The following CRAMP1 variants were observed in gnomAD, a reference collection of about 807,000 sequenced individuals.
CRAMP1 encodes protein cramped-like.
CRAMP1 carries 50 observed loss-of-function variants against 115.4 expected under a neutral mutation model. That is an observed-to-expected ratio of 0.43 (90% confidence interval 0.35 to 0.55). CRAMP1 has a LOEUF of 0.55. Among genes scored for constraint, CRAMP1 ranks in the 20% least tolerant of loss-of-function variants. The pLI, the probability that CRAMP1 is intolerant of heterozygous loss-of-function variation, is 0.01. For synonymous variants in CRAMP1, 866 were observed against 745.4 expected (o/e 1.16, Z -2.64); for missense variants, 1,679 against 1,721.7 (o/e 0.98, Z 0.44).
chr16:1,664,375 A>G (rs2036856843), intron 13 of CRAMP1, among the ~76,000 whole-genome samples: 1 of 152,228 alleles, frequency 6.6e-6, no homozygotes, highest in Non-Finnish European at 1.5e-5. Context: ...CCCATGTGTG[A>G]GGAAGCCCAG....
rs754750883 is a variant in CRAMP1, at chr16:1,666,060, C to G, written c.2753-13C>G. The G allele has an allele frequency of 6.3e-7, 1 of 1,581,430 alleles. No homozygotes were observed. The highest frequency in any genetic ancestry group is 2.3e-5 in the East Asian group (1 of 43,358). On this transcript the variant is annotated splice_polypyrimidine_tract_variant and intron_variant, in intron 14 of 20. Coordinates refer to ENST00000397412, the MANE Select transcript of CRAMP1 (RefSeq NM_020825.4). This position sits in a 1 kb window ranked among gnomAD's most constrained non-coding sequence, Gnocchi z 5.0. ...CGGGCTCGACATGTCTGCTTTTGCC[C>G]TCGCCCTCGCAGGGAGAGGTTCGTT...
At chr16:1,660,966 GCCACTGCACT>G (rs921835440) in intron 11 of CRAMP1, among the ~76,000 whole-genome samples, 1 of 152,126 alleles carries the variant, frequency 6.6e-6, no homozygotes, top group East Asian at 1.9e-4. Flanking sequence ...CCAAGATCGC[GCCACTGCACT>G]CCAGCTCGGG....
At chr16:1,638,723 C>G (rs542182576) in intron 5 of CRAMP1, among the ~76,000 whole-genome samples, 4 of 152,298 alleles carry the variant, frequency 2.6e-5, no homozygotes, top group Middle Eastern at 3.4e-3. Flanking sequence ...GCTAGCATGT[C>G]ACAGCTCAGG....
At chr16:1,670,208 G>A (rs2142209735) in intron 19 of CRAMP1, among the ~76,000 whole-genome samples, 1 of 152,070 alleles carries the variant, frequency 6.6e-6, no homozygotes, top group East Asian at 1.9e-4. Flanking sequence ...CGAGGCTGCA[G>A]TGAGCCATGA....
rs770447391 is a variant in CRAMP1, at chr16:1,659,928, G to A, written c.2278G>A (p.Ala760Thr). Residue 760 changes from alanine to threonine, a missense_variant, in exon 11 of 21, where the codon GCC becomes ACC. Coordinates refer to ENST00000397412, the MANE Select transcript of CRAMP1 (RefSeq NM_020825.4). ...NTISTASVRPAQEEQSMTPPG... is the reference protein window; with the variant it reads ...NTISTASVRPTQEEQSMTPPG... ...CATCTCTACAGCCTCAGTAAGGCCC[G>A]CCCAGGAGGAGCAGTCGATGACGCC... 8 of 1,612,684 alleles carry A rather than the reference G, an allele frequency of 5.0e-6. No homozygotes were observed. Among genetic ancestry groups the A allele is most frequent in the African/African-American group, 1.3e-5 (1 of 74,940 alleles).
At position 1,612,654 on chromosome 16, in the gene CRAMP1, A is replaced by G. The variant is rs1383797164; in HGVS notation, c.-5A>G. Among the ~76,000 whole-genome samples the G allele has an allele frequency of 6.6e-6, 1 of 151,666 alleles. No individual in the cohort carries two copies. The highest frequency in any genetic ancestry group is 1.5e-5 in the Non-Finnish European group (1 of 67,860). On this transcript the variant is annotated 5_prime_UTR_variant, in exon 1 of 21. Coordinates refer to ENST00000397412, the MANE Select transcript of CRAMP1 (RefSeq NM_020825.4). ...CAGGCTGCCGCCCGGCGTTGATGAA[A>G]AAGGTGACCAAGGCTGGGCGGCGGG...
intron 17 of CRAMP1, among the ~76,000 whole-genome samples, chr16:1,667,638 G>A (rs1261161809): frequency 6.9e-6 from 1 of 145,888 alleles, no homozygotes; most frequent in Non-Finnish European, 1.5e-5. Context: ...CCCAGCTCTG[G>A]AAGAACTTAG....
chr16:1,633,983 G>A (rs1205782580), intron 4 of CRAMP1, among the ~76,000 whole-genome samples: 2 of 151,552 alleles, frequency 1.3e-5, no homozygotes, highest in Non-Finnish European at 2.9e-5. Flanking sequence ...CAGGAGAATT[G>A]CACCACTGCA....
rs555528209 is a variant in CRAMP1 at position 1,672,012 on chromosome 16, T to C, written c.3645+1203T>C. Among the ~76,000 whole-genome samples the C allele has an allele frequency of 2.6e-5, 4 of 152,320 alleles. No individual in the cohort carries two copies. The highest frequency in any genetic ancestry group is 2.6e-4 in the Admixed American group (4 of 15,304). On this transcript the variant is annotated intron_variant, in intron 20 of 20. Coordinates refer to ENST00000397412, the MANE Select transcript of CRAMP1 (RefSeq NM_020825.4). The surrounding 1 kb of genome is among the most constrained non-coding windows in gnomAD (Gnocchi z 4.9). ...ACTCTGATGTTTCCCGAGAAGCCAG[T>C]CTCTGTCTCTTCCCCTGTTTGTGCG...
rs1352918863 is a variant in CRAMP1, at chr16:1,656,735, C to T, written c.1978C>T (p.Pro660Ser). The T allele has an allele frequency of 2.6e-6, 4 of 1,550,544 alleles. No homozygotes were observed. The highest frequency in any genetic ancestry group is 1.2e-5 in the South Asian group (1 of 84,058). Residue 660 changes from proline to serine, a missense_variant, in exon 10 of 21, where the codon CCC becomes TCC. By Grantham distance (74) the Pro-to-Ser change is moderately conservative (BLOSUM62 -1). Transcript: ENST00000397412. The surrounding 1 kb of genome is among the most constrained non-coding windows in gnomAD (Gnocchi z 5.6). Reference sequence around the variant, plus strand: ...GTCTCAGGGACAGCCTGCCGCCAGGCCCCCGAAGGAGGTCCCCGCCAGCCG... The same window carrying T: ...GTCTCAGGGACAGCCTGCCGCCAGGTCCCCGAAGGAGGTCCCCGCCAGCCG... Reference protein sequence around the residue: ...PPSQGQPAARPPKEVPASRLA... With the variant: ...PPSQGQPAARSPKEVPASRLA...
intron 2 of CRAMP1, among the ~76,000 whole-genome samples, chr16:1,619,730 G>A (rs2036450552): frequency 6.6e-6 from 1 of 152,200 alleles, no homozygotes; most frequent in Non-Finnish European, 1.5e-5. Context: ...GAGCATGCAG[G>A]AGGACGCTGA....
At position 1,676,784 on chromosome 16, in the gene CRAMP1, C is replaced by G. The variant is rs980983609; in HGVS notation, c.*2739C>G. Reference sequence around the variant, plus strand: ...GATGTGCAGTGATAAGCGGGCATTGCGTGCCTCGGGGGATGCCTAGTTCGT... The same window carrying G: ...GATGTGCAGTGATAAGCGGGCATTGGGTGCCTCGGGGGATGCCTAGTTCGT... On this transcript the variant is annotated 3_prime_UTR_variant, in exon 21 of 21. Coordinates refer to ENST00000397412, the MANE Select transcript of CRAMP1 (RefSeq NM_020825.4). 1 of 152,252 alleles carries G rather than the reference C, an allele frequency of 6.6e-6. No individual in the cohort carries two copies. The highest frequency in any genetic ancestry group is 2.4e-5 in the African/African-American group (1 of 41,428). 9.4% of individuals were successfully genotyped at this position (152,252 alleles called of 1,614,324 possible).
chr16:1,662,628 A>G lies in CRAMP1; in HGVS notation c.2552A>G (p.Lys851Arg). 6.2e-7 allele frequency: 1 copy of G among 1,614,018 alleles called. No individual in the cohort carries two copies. The highest frequency in any genetic ancestry group is 8.5e-7 in the Non-Finnish European group (1 of 1,179,892). Residue 851 changes from lysine (K) to arginine (R), a missense_variant, in exon 12 of 21, where the codon AAA (lysine) becomes AGA (arginine). Lys to Arg is a conservative substitution (Grantham distance 26). Transcript: ENST00000397412. ...CACGGGAAGCTCTTCTCTCCCAGTA[A>G]AGAAGCAGAGCTGACTTTCCGCCAG... The part of the protein sequence containing the change: ...SRHGKLFSPS[K>R]EAELTFRQHL...
rs772241059 is a variant in CRAMP1, at chr16:1,668,932, G to T, written c.3335-69G>T. On this transcript the variant is annotated intron_variant, in intron 18 of 20. Coordinates refer to ENST00000397412, the MANE Select transcript of CRAMP1 (RefSeq NM_020825.4). Reference sequence around the variant, plus strand: ...GGCCCTGCTGCCTTCTCCGTGGTGGGCTGGAGAAGTGAGTTGCTGTTCACC... The same window carrying T: ...GGCCCTGCTGCCTTCTCCGTGGTGGTCTGGAGAAGTGAGTTGCTGTTCACC... 10 of 1,467,072 alleles carry T rather than the reference G, an allele frequency of 6.8e-6. No homozygotes were observed. In the South Asian group the frequency reaches 1.2e-4, roughly 17 times the overall value. The allele number at this position is 1,467,072 out of a possible 1,614,324, so 90.9% of individuals were successfully genotyped here.
chr16:1,635,870 G>T (rs944517280), intron 4 of CRAMP1, among the ~76,000 whole-genome samples: 2 of 152,122 alleles, frequency 1.3e-5, no homozygotes, highest in African/African-American at 4.8e-5. Context: ...TTCTACTCTG[G>T]ATGTTTCATA....
At chr16:1,658,024 A>C (rs112263418) in intron 10 of CRAMP1, among the ~76,000 whole-genome samples, 1 of 152,316 alleles carries the variant, frequency 6.6e-6, no homozygotes, top group African/African-American at 2.4e-5. Context: ...TGCTCCACAC[A>C]GGCCGTCTTA....
intron 6 of CRAMP1, among the ~76,000 whole-genome samples, chr16:1,641,700 C>T (rs561418213): frequency 2.4e-4 from 37 of 152,326 alleles, no homozygotes; most frequent in Non-Finnish European, 4.1e-4. Flanking sequence ...CAACCGGGCC[C>T]CTGATGGTCC....
At chr16:1,647,998 C>T (rs2036691110) in intron 6 of CRAMP1, among the ~76,000 whole-genome samples, 2 of 152,028 alleles carry the variant, frequency 1.3e-5, no homozygotes, top group African/African-American at 2.4e-5. Flanking sequence ...GGCTTTTCAT[C>T]GTGTTCAGTG....
chr16:1,644,569 A>C (rs1036793191), intron 6 of CRAMP1, among the ~76,000 whole-genome samples: 1 of 152,142 alleles, frequency 6.6e-6, no homozygotes, highest in African/African-American at 2.4e-5. Flanking sequence ...CAGGAAGGGA[A>C]CCTGCCTGGG....
Sources: allele counts gnomAD v4.1 joint callset (sites outside exome capture counted in the v4.1 genomes callset), GRCh38; gene constraint gnomAD v4.1.1; non-coding constraint Gnocchi (gnomAD v3.1); transcripts MANE v1.5; gene names NCBI Gene and HGNC (gene_info 2026-07-23, HGNC 2026-07-21).